Variants in BAZ2B observed in about 807,000 individuals in gnomAD.
The protein encoded by BAZ2B is bromodomain adjacent to zinc finger domain 2B, also known as bromodomain adjacent to zinc finger domain protein 2B.
BAZ2B carries 91 observed loss-of-function variants against 246.0 expected under a neutral mutation model. The ratio of observed to expected loss-of-function variants is 0.37; its 90% CI spans 0.31 to 0.44. The LOEUF (loss-of-function observed/expected upper bound fraction) is 0.44, where lower values mean the gene tolerates loss of function less well. BAZ2B is among the 20% of genes least tolerant of loss of function. BAZ2B has a pLI of 1.00. For missense variants in BAZ2B, 2,332 were observed against 2,533.7 expected, an observed-to-expected ratio of 0.92 and a Z score of 1.71; for synonymous variants, 855 against 860.0, an observed-to-expected ratio of 0.99 and a Z score of 0.10.
At chr2:159,369,267 C>T (rs1316509539) in intron 27 of BAZ2B, among the ~76,000 whole-genome samples, 2 of 152,054 alleles carry the variant, frequency 1.3e-5, no homozygotes, top group East Asian at 3.9e-4. Flanking sequence ...GGCAAAGATG[C>T]AAGGGGAGGA....
chr2:159,391,297 T>C (rs551269868), intron 20 of BAZ2B, among the ~76,000 whole-genome samples: 2 of 152,320 alleles, frequency 1.3e-5, no homozygotes, highest in East Asian at 1.9e-4. Context: ...CTATGCCATA[T>C]AGCCCAGATG....
At chr2:159,628,399 A>G in the BAZ2B span, among the ~76,000 whole-genome samples, 40 of 152,352 alleles carry the variant, frequency 2.6e-4, no homozygotes, top group African/African-American at 9.4e-4. Flanking sequence ...TGTAGGCGTC[A>G]CGCTACCTGA....
At chr2:159,471,050 G>C (rs889588494) in intron 3 of BAZ2B, among the ~76,000 whole-genome samples, 1 of 151,932 alleles carries the variant, frequency 6.6e-6, no homozygotes, top group African/African-American at 2.4e-5. Context: ...AGAAGGAGTT[G>C]TATAAAAAAA....
At chr2:159,504,714 C>T (rs60591811) in intron 2 of BAZ2B, among the ~76,000 whole-genome samples, 12,512 of 152,232 alleles carry the variant, frequency 0.082, 764 homozygotes, top group East Asian at 0.28. Flanking sequence ...CCATATTGAA[C>T]ATCCTTCTCT....
At chr2:159,413,795 T>C (rs1371367597) in intron 13 of BAZ2B, among the ~76,000 whole-genome samples, 1 of 150,816 alleles carries the variant, frequency 6.6e-6, no homozygotes, top group African/African-American at 2.4e-5. Context: ...TGACTGAGAG[T>C]TGATGATATC....
the BAZ2B span, among the ~76,000 whole-genome samples, chr2:159,627,210 C>T: frequency 2.6e-5 from 4 of 152,010 alleles, no homozygotes; most frequent in South Asian, 2.1e-4. Flanking sequence ...CAGGACCAGA[C>T]GGATTCACAG....
chr2:159,416,014 T>C (rs1316379342), intron 13 of BAZ2B, among the ~76,000 whole-genome samples: 2 of 152,134 alleles, frequency 1.3e-5, no homozygotes, highest in East Asian at 3.8e-4. Flanking sequence ...CCCATGACTG[T>C]CTCACTCTAA....
At chr2:159,708,543 C>T in the BAZ2B span, among the ~76,000 whole-genome samples, 5 of 139,512 alleles carry the variant, frequency 3.6e-5, no homozygotes, top group East Asian at 6.1e-4. Context: ...GTTTTAATAA[C>T]CTTTTATTTA....
the BAZ2B span, among the ~76,000 whole-genome samples, chr2:159,660,621 A>T: frequency 6.6e-6 from 1 of 151,982 alleles, no homozygotes; most frequent in Non-Finnish European, 1.5e-5. Flanking sequence ...ATATATATAT[A>T]TTTTTTGAGA....
At chr2:159,696,155 T>C in the BAZ2B span, among the ~76,000 whole-genome samples, 1 of 152,228 alleles carries the variant, frequency 6.6e-6, no homozygotes, top group Non-Finnish European at 1.5e-5. Context: ...ACCTTCATTT[T>C]CTATTTTCTT....
chr2:159,672,883 A>C, the BAZ2B span, among the ~76,000 whole-genome samples: 1 of 152,210 alleles, frequency 6.6e-6, no homozygotes, highest in South Asian at 2.1e-4. Flanking sequence ...TAAGTTCTAA[A>C]TGTAAAGTAT....
the BAZ2B span, among the ~76,000 whole-genome samples, chr2:159,651,382 T>C: frequency 2.6e-5 from 4 of 152,340 alleles, no homozygotes; most frequent in East Asian, 5.8e-4. Flanking sequence ...ATGTGCTTTA[T>C]GTTTTTTCTC....
At chr2:159,348,162 T>C (rs957343591) in intron 30 of BAZ2B, among the ~76,000 whole-genome samples, 1 of 150,292 alleles carries the variant, frequency 6.7e-6, no homozygotes, top group Non-Finnish European at 1.5e-5. Flanking sequence ...CTACAAAAAA[T>C]AAAAAAAACT....
chr2:159,499,860 A>G (rs13391913), intron 2 of BAZ2B, among the ~76,000 whole-genome samples: 79,245 of 151,766 alleles, frequency 0.52, 21,124 homozygotes, highest in Non-Finnish European at 0.58. Context: ...CCCACTTTTT[A>G]ATGGGGTTGT....
At chr2:159,409,569 A>G (rs2066501770) in intron 14 of BAZ2B, among the ~76,000 whole-genome samples, 1 of 152,176 alleles carries the variant, frequency 6.6e-6, no homozygotes, top group South Asian at 2.1e-4. Flanking sequence ...ACTTTCTTCA[A>G]ATTAAGTCTG....
At chr2:159,432,673 T>G (rs779225478) in intron 9 of BAZ2B, 84 bp downstream of exon 9, 24 of 1,500,762 alleles carry the variant, frequency 1.6e-5, no homozygotes, top group East Asian at 9.1e-5. Flanking sequence ...GACGCTGATT[T>G]TAAGTCTGAA....
chr2:159,469,435 T>A (rs908232038), intron 3 of BAZ2B, among the ~76,000 whole-genome samples: 2 of 152,000 alleles, frequency 1.3e-5, no homozygotes, highest in Admixed American at 1.3e-4. Flanking sequence ...TTACTTATTT[T>A]ATTTATTTAT....
chr2:159,610,482 G>GATTAA lies in BAZ2B; in HGVS notation c.-46+5759_-46+5760insTTAAT, dbSNP rs1479137518. ...GTCTTTGATTAATGAGTGCATGTTT[G>GATTAA]TGGAAAAGTGTTAAGAGGAGAAAAC... On this transcript the variant is annotated intron_variant, in intron 1 of 36. Transcript: ENST00000392783. Among the ~76,000 whole-genome samples, 3 of 152,298 alleles carry GATTAA rather than the reference G, an allele frequency of 2.0e-5. No individual in the cohort carries two copies. In the East Asian group the frequency reaches 5.8e-4, roughly 29 times the overall value.
At chr2:159,448,876 G>A (rs1011069974) in intron 4 of BAZ2B, among the ~76,000 whole-genome samples, 8 of 152,090 alleles carry the variant, frequency 5.3e-5, no homozygotes, top group African/African-American at 1.7e-4. Flanking sequence ...TAAGACTATT[G>A]TAATCCACTA....
Sources: allele counts gnomAD v4.1 joint callset (sites outside exome capture counted in the v4.1 genomes callset), GRCh38; gene constraint gnomAD v4.1.1; transcripts MANE v1.5; gene names NCBI Gene and HGNC (gene_info 2026-07-23, HGNC 2026-07-21).